Variants in COL2A1 observed in about 807,000 individuals in gnomAD.
COL2A1 encodes the protein collagen type II alpha 1 chain.
Under a neutral mutation model 204.5 loss-of-function variants are expected in COL2A1, and 28 were observed. The ratio of observed to expected loss-of-function variants is 0.14; its 90% CI spans 0.10 to 0.19. The LOEUF (loss-of-function observed/expected upper bound fraction) is 0.19. COL2A1 is among the 10% of genes least tolerant of loss of function. The pLI is 1.00. For synonymous variants in COL2A1, 708 were observed against 718.7 expected, an observed-to-expected ratio of 0.99 and a Z score of 0.24; for missense variants, 1,388 against 2,027.5, an observed-to-expected ratio of 0.68 and a Z score of 6.06.
At chr12:47,974,041 C>T in intron 53 of COL2A1, 48 bp downstream of exon 53, 1 of 1,613,924 alleles carries the variant, frequency 6.2e-7, no homozygotes, top group Non-Finnish European at 8.5e-7. Flanking sequence ...AGCCCTGCTC[C>T]AGGCGGTTTG....
chr12:47,989,317 G>A (rs1220880084), intron 17 of COL2A1, 36 bp from the exon 18 acceptor site: 3 of 1,582,308 alleles, frequency 1.9e-6, no homozygotes, highest in Non-Finnish European at 2.6e-6. Context: ...AGAGGTGAAT[G>A]CCAGTTCTGG....
At chr12:47,985,171 A>C in intron 26 of COL2A1, 78 bp from the exon 27 acceptor site, 1 of 1,173,128 alleles carries the variant, frequency 8.5e-7, no homozygotes, top group Non-Finnish European at 1.3e-6. Context: ...AAGGGCCTAC[A>C]TGGCAGGCCC....
In COL2A1 at chr12:47,986,993, A is replaced by G. The variant is rs1345127539; in HGVS notation, c.1365+85T>C. On this transcript the variant is annotated intron_variant, in intron 21 of 53. Coordinates refer to ENST00000380518, the MANE Select transcript of COL2A1 (RefSeq NM_001844.5). ...CTCGGATGGAGGCCGCTGTGAGGCC[A>G]GGGCAGGAGAGCATGGGAAAGAGGG... 23 of 1,581,300 alleles carry G rather than the reference A, an allele frequency of 1.5e-5. No homozygotes were observed. In the East Asian group the frequency reaches 4.0e-4, roughly 28 times the overall value.
At chr12:47,994,966 G>A (rs543902252) in intron 11 of COL2A1, among the ~76,000 whole-genome samples, 244 of 152,200 alleles carry the variant, frequency 1.6e-3, no homozygotes, top group African/African-American at 5.8e-3. Flanking sequence ...ACATCTTTCT[G>A]CCTTGTATTT....
Position 47,978,387 on chromosome 12 carries a change from A to G in COL2A1, c.2907T>C (p.Gly969=). 1 of 1,613,952 alleles carries G rather than the reference A, an allele frequency of 6.2e-7. No individual in the cohort carries two copies. Among genetic ancestry groups the G allele is most frequent in the Non-Finnish European group, 8.5e-7 (1 of 1,179,968 alleles). Residue 969 remains glycine, a synonymous_variant, in exon 43 of 54, where the codon GGT becomes GGC. Transcript: ENST00000380518. The surrounding 1 kb of genome is among the most constrained non-coding windows in gnomAD (Gnocchi z 5.5). ...CAGCCAGACCCTGGGGACCTGGTGGACCTTCGGCACCCTGAGAGAGGAGAG... is the reference window on the plus strand; with the variant it reads ...CAGCCAGACCCTGGGGACCTGGTGGGCCTTCGGCACCCTGAGAGAGGAGAG... The part of the protein sequence containing the change: ...PGDDGPSGAE[G]PPGPQGLAGQ...
chr12:47,984,184 C>T (rs928444760), intron 28 of COL2A1, 44 bp from the exon 29 acceptor site: 12 of 1,576,356 alleles, frequency 7.6e-6, no homozygotes, highest in Non-Finnish European at 1.0e-5. Context: ...CGCTTTTCTT[C>T]CCACTTGCAG....
rs756245670 is a variant in COL2A1, at chr12:47,978,437, C to A, written c.2896-39G>T. The A allele has an allele frequency of 3.1e-5, 50 of 1,601,182 alleles. No homozygotes were observed. The highest frequency in any genetic ancestry group is 4.1e-5 in the Non-Finnish European group (48 of 1,171,660). On this transcript the variant is annotated intron_variant, in intron 42 of 53. Coordinates refer to ENST00000380518, the MANE Select transcript of COL2A1 (RefSeq NM_001844.5). This position sits in a 1 kb window ranked among gnomAD's most constrained non-coding sequence, Gnocchi z 5.5. ...GGCAGGAGATGAGAACTGACAGTGG[C>A]CCAGCCTCTTCTGTCCTCTCAGCAC...
At chr12:47,986,547 C>A in intron 22 of COL2A1, 104 bp from the exon 23 acceptor site, 1 of 667,182 alleles carries the variant, frequency 1.5e-6, no homozygotes, top group Non-Finnish European at 2.6e-6. Flanking sequence ...TGTTTCAGGG[C>A]TGGGGGGGGG....
At chr12:47,986,149 TC>T (rs1217943692) in intron 23 of COL2A1, among the ~76,000 whole-genome samples, 184 bp from the exon 24 acceptor site, 2 of 152,142 alleles carry the variant, frequency 1.3e-5, no homozygotes, top group Non-Finnish European at 2.9e-5. Flanking sequence ...TCAGACTATT[TC>T]ATGTCAGTCT....
intron 17 of COL2A1, among the ~76,000 whole-genome samples, 170 bp downstream of exon 17, chr12:47,989,591 A>G (rs187109935): frequency 6.6e-6 from 1 of 152,332 alleles, no homozygotes; most frequent in East Asian, 1.9e-4. Flanking sequence ...AAAGCTTGTT[A>G]TCGATATGCT....
At chr12:47,986,526 GCC>G in intron 22 of COL2A1, 83 bp from the exon 23 acceptor site, 1 of 813,956 alleles carries the variant, frequency 1.2e-6, no homozygotes, top group South Asian at 1.5e-5. Context: ...GAAGGAAGTA[GCC>G]TTGGCAACTG....
chr12:47,974,560 C>G (rs1938598919), intron 52 of COL2A1, 115 bp downstream of exon 52: 1 of 1,349,348 alleles, frequency 7.4e-7, no homozygotes, highest in African/African-American at 1.4e-5. Context: ...CCTCTCAAGC[C>G]CAACAGAAAA....
chr12:47,992,940 C>T lies in COL2A1; in HGVS notation c.970-9G>A. ...GGCAGGCCACGAGGACCCTGGAACA[C>T]ACACCAGGACAGCCTAAGCATGAGT... On this transcript the variant is annotated splice_polypyrimidine_tract_variant and intron_variant, in intron 15 of 53. Transcript: ENST00000380518. 1 of 1,614,116 alleles carries T rather than the reference C, an allele frequency of 6.2e-7. No homozygotes were observed. Among genetic ancestry groups the T allele is most frequent in the Non-Finnish European group, 8.5e-7 (1 of 1,179,952 alleles).
intron 2 of COL2A1, among the ~76,000 whole-genome samples, chr12:47,999,187 G>A (rs1251842869): frequency 6.6e-6 from 1 of 152,172 alleles, no homozygotes. Context: ...ACTCTGCAGG[G>A]AGATAGGACA....
intron 36 of COL2A1, among the ~76,000 whole-genome samples, 172 bp downstream of exon 36, chr12:47,981,604 C>G (rs370266019): frequency 6.6e-6 from 1 of 152,250 alleles, no homozygotes; most frequent in Non-Finnish European, 1.5e-5. Context: ...CCCCACCCAA[C>G]AGGGAACACT....
intron 35 of COL2A1, 81 bp downstream of exon 35, chr12:47,982,026 T>C: frequency 6.9e-7 from 1 of 1,455,290 alleles, no homozygotes; most frequent in Non-Finnish European, 9.7e-7. Context: ...AGTGGCAGAC[T>C]GCCCAGCCCT....
intron 40 of COL2A1, among the ~76,000 whole-genome samples, 156 bp from the exon 41 acceptor site, chr12:47,979,720 G>A (rs569539047): frequency 1.8e-4 from 28 of 152,294 alleles, no homozygotes; most frequent in South Asian, 1.7e-3. Flanking sequence ...AAGGGCCCCC[G>A]GGTCTGGTCA....
intron 1 of COL2A1, 62 bp downstream of exon 1, chr12:48,004,175 G>A (rs972965944): frequency 3.2e-6 from 4 of 1,262,958 alleles, no homozygotes; most frequent in Non-Finnish European, 2.3e-6. Context: ...GCGGGCCGGG[G>A]AGAAGGATGC....
intron 41 of COL2A1, 50 bp downstream of exon 41, chr12:47,979,461 C>T (rs1938914156): frequency 6.3e-7 from 1 of 1,599,484 alleles, no homozygotes; most frequent in Non-Finnish European, 8.6e-7. Context: ...GGTGCTGGGC[C>T]AGGCTATTCC....
Sources: allele counts gnomAD v4.1 joint callset (sites outside exome capture counted in the v4.1 genomes callset), GRCh38; gene constraint gnomAD v4.1.1; non-coding constraint Gnocchi (gnomAD v3.1); transcripts MANE v1.5; gene names NCBI Gene and HGNC (gene_info 2026-07-23, HGNC 2026-07-21).